Variants in SLC30A8 observed in about 807,000 individuals in gnomAD.
SLC30A8 encodes solute carrier family 30 member 8.
SLC30A8 carries 27 observed loss-of-function variants against 36.9 expected under a neutral mutation model. That is an observed-to-expected ratio of 0.73 (90% CI 0.54 to 1.01). SLC30A8 has a LOEUF of 1.01. SLC30A8 is among the 50% of genes least tolerant of loss of function. SLC30A8 has a pLI of 0.00. For missense variants in SLC30A8, 439 were observed against 452.0 expected (o/e 0.97, Z 0.26); for synonymous variants, 164 against 172.4 (o/e 0.95, Z 0.38).
chr8:117,173,031 A>G lies in SLC30A8; in HGVS notation c.*350A>G. On this transcript the variant is annotated 3_prime_UTR_variant, in exon 8 of 8. Coordinates refer to ENST00000456015, the MANE Select transcript of SLC30A8 (RefSeq NM_173851.3). The stretch of plus-strand genomic sequence containing the variant: ...ACACATAGGTAAATTTGAACTCAGG[A>G]AAGTCTTACTAGAAATCAGTGGAAG... 4.8e-6 allele frequency: 1 copy of G among 207,736 alleles called. No homozygotes were observed. The highest frequency in any genetic ancestry group is 9.6e-6 in the Non-Finnish European group (1 of 103,744). 12.9% of individuals were successfully genotyped at this position (207,736 alleles called of 1,614,324 possible).
At chr8:117,005,671 C>T (rs749636046) in intron 1 of SLC30A8, among the ~76,000 whole-genome samples, 7 of 152,162 alleles carry the variant, frequency 4.6e-5, no homozygotes, top group Admixed American at 6.6e-5. Context: ...AAGCAGCTAT[C>T]CCATTTTACA....
At chr8:117,001,520 GTAT>G (rs1376715428) in intron 1 of SLC30A8, among the ~76,000 whole-genome samples, 1 of 152,132 alleles carries the variant, frequency 6.6e-6, no homozygotes, top group African/African-American at 2.4e-5. Context: ...CCTGATACAA[GTAT>G]TATTATTGCA....
chr8:117,142,199 G>A (rs71530860), intron 1 of SLC30A8, among the ~76,000 whole-genome samples: 15,188 of 152,098 alleles, frequency 0.1, 941 homozygotes, highest in East Asian at 0.14. Context: ...CTTAACTACT[G>A]TTATTTATTA....
At chr8:117,059,916 G>T (rs1817979854) in intron 2 of SLC30A8, among the ~76,000 whole-genome samples, 1 of 152,110 alleles carries the variant, frequency 6.6e-6, no homozygotes, top group African/African-American at 2.4e-5. Context: ...TAAGGGAAAA[G>T]TAATGAGGTT....
chr8:117,152,901 C>T, intron 2 of SLC30A8, 43 bp from the exon 3 acceptor site: 1 of 1,422,164 alleles, frequency 7.0e-7, no homozygotes, highest in South Asian at 1.7e-5. Flanking sequence ...AATCTAGCTG[C>T]ATTCTGGGAC....
intron 1 of SLC30A8, among the ~76,000 whole-genome samples, chr8:116,991,804 A>G (rs1168402875): frequency 1.3e-5 from 2 of 152,044 alleles, no homozygotes; most frequent in African/African-American, 2.4e-5. Context: ...TTTTTTGACT[A>G]AAAAAATACT....
In SLC30A8 at chr8:117,172,559, G is replaced by T. The variant is rs374485094; in HGVS notation, c.988G>T (p.Val330Phe). ...AGCAGCCAGCCGGGACAGCCAAGTG[G>T]TTCGGAGAGAAATTGCTAAAGCCCT... The part of the protein sequence containing the change: ...ATAASRDSQV[V>F]RREIAKALSK... The change falls in exon 8 of 8, where the codon GTT (valine) becomes TTT (phenylalanine). Residue 330 changes from valine to phenylalanine, a missense_variant. By Grantham distance (50) the Val-to-Phe change is conservative. Coordinates refer to ENST00000456015, the MANE Select transcript of SLC30A8 (RefSeq NM_173851.3). The T allele has an allele frequency of 5.0e-6, 8 of 1,613,562 alleles. No homozygotes were observed. The African/African-American group carries it at 1.1e-4, about 22-fold the overall frequency.
intron 6 of SLC30A8, among the ~76,000 whole-genome samples, chr8:117,167,315 A>G (rs116728308): frequency 0.044 from 6,745 of 152,178 alleles, 500 homozygotes; most frequent in African/African-American, 0.15. Flanking sequence ...TTTTCAAACT[A>G]TGTTAGTATA....
intron 1 of SLC30A8, among the ~76,000 whole-genome samples, chr8:117,022,873 A>G (rs1411403535): frequency 5.3e-5 from 8 of 152,244 alleles, no homozygotes; most frequent in Non-Finnish European, 8.8e-5. Flanking sequence ...CAAAATTGAC[A>G]AATGGGATCT....
At chr8:117,141,493 C>T (rs1477548022) in intron 1 of SLC30A8, among the ~76,000 whole-genome samples, 1 of 152,074 alleles carries the variant, frequency 6.6e-6, no homozygotes, top group Non-Finnish European at 1.5e-5. Flanking sequence ...ACCTGTGAAA[C>T]TAGAAATAGA....
rs149551798 is a variant in SLC30A8, at chr8:117,158,742, G to T, written c.572+898G>T. Among the ~76,000 whole-genome samples the T allele has an allele frequency of 2.5e-3, 376 of 152,186 alleles. 2 individuals are homozygous for T. The highest frequency in any genetic ancestry group is 4.0e-3 in the Non-Finnish European group (270 of 68,014). On this transcript the variant is annotated intron_variant, in intron 4 of 7. Transcript: ENST00000456015. ...TCAAATTTCTCCTTCCCATTTGAGG[G>T]TCTAATTCTGGGCAACTCTACTTAA...
intron 1 of SLC30A8, among the ~76,000 whole-genome samples, chr8:117,019,441 T>A (rs1816633749): frequency 6.6e-6 from 1 of 152,238 alleles, no homozygotes; most frequent in Non-Finnish European, 1.5e-5. Context: ...GATTCTACAT[T>A]GCCTAATTAA....
chr8:117,104,253 C>T (rs531094215), intron 2 of SLC30A8, among the ~76,000 whole-genome samples: 1 of 152,098 alleles, frequency 6.6e-6, no homozygotes, highest in Non-Finnish European at 1.5e-5. Flanking sequence ...TTCTCCATTT[C>T]TTTCCTTTCA....
chr8:117,132,482 G>C (rs1255487615), upstream of SLC30A8, among the ~76,000 whole-genome samples: 1 of 151,974 alleles, frequency 6.6e-6, no homozygotes, highest in Admixed American at 6.6e-5. Flanking sequence ...AAGGAGAGTG[G>C]GCGGAGAAGA....
chr8:117,155,518 AG>A (rs373147458), intron 3 of SLC30A8, among the ~76,000 whole-genome samples: 86 of 152,316 alleles, frequency 5.6e-4, no homozygotes, highest in African/African-American at 2.0e-3. Flanking sequence ...ATGTTATATT[AG>A]GTTCCTAGGG....
chr8:117,071,705 G>A (rs1818335293), intron 2 of SLC30A8, among the ~76,000 whole-genome samples: 1 of 151,824 alleles, frequency 6.6e-6, no homozygotes, highest in Non-Finnish European at 1.5e-5. Flanking sequence ...GCCTGTAATT[G>A]GTTTTGAGTT....
At chr8:117,137,335 C>G (rs1197171181) in intron 1 of SLC30A8, among the ~76,000 whole-genome samples, 1 of 152,004 alleles carries the variant, frequency 6.6e-6, no homozygotes, top group East Asian at 1.9e-4. Context: ...TTTCTTTCTA[C>G]TTTCTATTAT....
At chr8:117,148,433 G>A (rs1396128012) in intron 2 of SLC30A8, among the ~76,000 whole-genome samples, 1 of 151,884 alleles carries the variant, frequency 6.6e-6, no homozygotes, top group Non-Finnish European at 1.5e-5. Context: ...TGTGTTTCTG[G>A]TCTCTGTCAA....
At chr8:117,111,896 C>CTCAGTT (rs113667213) in intron 2 of SLC30A8, among the ~76,000 whole-genome samples, 8,621 of 152,030 alleles carry the variant, frequency 0.057, 645 homozygotes, top group African/African-American at 0.17. Context: ...GTTTTTGATT[C>CTCAGTT]TCAAAATGTC....
Sources: allele counts gnomAD v4.1 joint callset (sites outside exome capture counted in the v4.1 genomes callset), GRCh38; gene constraint gnomAD v4.1.1; transcripts MANE v1.5; gene names NCBI Gene and HGNC (gene_info 2026-07-23, HGNC 2026-07-21).